Variants in NEGR1 observed in about 807,000 individuals in gnomAD.
NEGR1 encodes neuronal growth regulator 1.
NEGR1 carries 10 observed loss-of-function variants against 40.9 expected under a neutral mutation model. That is an observed-to-expected ratio of 0.24 (90% CI 0.15 to 0.42). The LOEUF is 0.42. NEGR1 is among the 10% of genes least tolerant of loss of function. The probability of loss-of-function intolerance (pLI) is 1.00; values close to 1 mark genes in which losing one functional copy is unlikely to be tolerated. For missense variants in NEGR1, 352 were observed against 438.9 expected, an observed-to-expected ratio of 0.80 and a Z score of 1.77; for synonymous variants, 185 against 166.8, an observed-to-expected ratio of 1.11 and a Z score of -0.84.
At chr1:72,268,946 T>C (rs1030659629) in intron 1 of NEGR1, among the ~76,000 whole-genome samples, 1 of 151,436 alleles carries the variant, frequency 6.6e-6, no homozygotes, top group Non-Finnish European at 1.5e-5. Flanking sequence ...TGGAAAAGCT[T>C]TGGATATGTA....
intron 3 of NEGR1, among the ~76,000 whole-genome samples, chr1:71,769,072 C>T (rs1656227125): frequency 6.7e-6 from 1 of 148,348 alleles, no homozygotes; most frequent in Non-Finnish European, 1.5e-5. Flanking sequence ...AACAATAAAA[C>T]TTTTTTTTTT....
At chr1:71,731,585 A>ATT (rs1654869408) in intron 3 of NEGR1, among the ~76,000 whole-genome samples, 1 of 152,154 alleles carries the variant, frequency 6.6e-6, no homozygotes, top group Non-Finnish European at 1.5e-5. Context: ...TAAAGACAAG[A>ATT]TTTTTCTTTT....
chr1:72,277,189 A>C (rs937927123), intron 1 of NEGR1, among the ~76,000 whole-genome samples: 9 of 152,150 alleles, frequency 5.9e-5, no homozygotes, highest in African/African-American at 1.9e-4. Flanking sequence ...GAAGACTGGG[A>C]AATGTAGCTT....
intron 1 of NEGR1, among the ~76,000 whole-genome samples, chr1:72,222,553 G>A (rs923643770): frequency 2.6e-5 from 4 of 152,126 alleles, no homozygotes; most frequent in Non-Finnish European, 5.9e-5. Flanking sequence ...TAAACTTCCT[G>A]ACCAACAATG....
At chr1:71,454,616 GAAA>G (rs1445081257) in intron 6 of NEGR1, among the ~76,000 whole-genome samples, 2 of 152,216 alleles carry the variant, frequency 1.3e-5, no homozygotes, top group East Asian at 3.9e-4. Flanking sequence ...GAGTTGGGTA[GAAA>G]ACACTCAAGT....
At chr1:71,951,725 T>C (rs2100274381) in intron 1 of NEGR1, among the ~76,000 whole-genome samples, 1 of 152,094 alleles carries the variant, frequency 6.6e-6, no homozygotes, top group African/African-American at 2.4e-5. Context: ...ATAGATATTC[T>C]GCTTTTTACA....
intron 1 of NEGR1, among the ~76,000 whole-genome samples, chr1:72,234,246 T>C (rs1654475808): frequency 6.6e-6 from 1 of 152,142 alleles, no homozygotes; most frequent in Non-Finnish European, 1.5e-5. Context: ...TTTGGTTTTC[T>C]GTTCCTGTGT....
chr1:71,986,796 A>T (rs1348040134), intron 1 of NEGR1, among the ~76,000 whole-genome samples: 2 of 152,162 alleles, frequency 1.3e-5, no homozygotes, highest in East Asian at 3.9e-4. Context: ...TCATGAGTGT[A>T]TTTGCTGCTT....
chr1:71,515,793 A>G (rs1191624840), intron 6 of NEGR1, among the ~76,000 whole-genome samples: 1 of 130,956 alleles, frequency 7.6e-6, no homozygotes. Context: ...TTGGATAAAG[A>G]GTCAAGACCC....
chr1:72,280,430 T>C (rs1309444364), intron 1 of NEGR1, among the ~76,000 whole-genome samples: 1 of 152,168 alleles, frequency 6.6e-6, no homozygotes, highest in African/African-American at 2.4e-5. Context: ...CAAAAATACA[T>C]ATTGCAGCTC....
chr1:71,880,180 A>C (rs1660543596), intron 2 of NEGR1, among the ~76,000 whole-genome samples: 1 of 152,042 alleles, frequency 6.6e-6, no homozygotes, highest in Non-Finnish European at 1.5e-5. Context: ...TCATGGTGGA[A>C]AGTTTTGAGG....
intron 4 of NEGR1, among the ~76,000 whole-genome samples, chr1:71,627,061 G>A (rs958477614): frequency 2.0e-5 from 3 of 152,150 alleles, no homozygotes; most frequent in African/African-American, 7.2e-5. Context: ...CTGTAAACTA[G>A]TTCAACCATT....
rs143865768 is a variant in NEGR1, at chr1:71,792,486, T to C, written c.410-16189A>G. Among the ~76,000 whole-genome samples the C allele has an allele frequency of 2.9e-3, 438 of 152,300 alleles. 13 individuals carry two copies. Among genetic ancestry groups the C allele is most frequent in the Admixed American group, 0.023 (347 of 15,286 alleles). ...CTTTCTTCCACACTTCCTCTTTTTTTCCCACATTTATCTCTGTATTGTTTT... is the reference window on the plus strand; with the variant it reads ...CTTTCTTCCACACTTCCTCTTTTTTCCCCACATTTATCTCTGTATTGTTTT... On this transcript the variant is annotated intron_variant, in intron 2 of 6. Coordinates refer to ENST00000357731, the MANE Select transcript of NEGR1 (RefSeq NM_173808.3).
At chr1:72,252,187 G>A (rs778183550) in intron 1 of NEGR1, among the ~76,000 whole-genome samples, 23 of 127,802 alleles carry the variant, frequency 1.8e-4, no homozygotes, top group Non-Finnish European at 3.1e-4. Context: ...TGGGATTATA[G>A]GCATGTGCCA....
At chr1:72,013,963 T>TAAAA (rs1161156816) in intron 1 of NEGR1, among the ~76,000 whole-genome samples, 6 of 88,490 alleles carry the variant, frequency 6.8e-5, no homozygotes, top group South Asian at 3.4e-4. Context: ...CTGTGAAAAA[T>TAAAA]AAAAAAAAAA....
intron 4 of NEGR1, among the ~76,000 whole-genome samples, chr1:71,642,537 C>A (rs1342586207): frequency 1.3e-5 from 2 of 151,850 alleles, no homozygotes; most frequent in African/African-American, 4.8e-5. Context: ...TTCCCATAAT[C>A]TTGCTGTAAC....
Position 72,077,939 on chromosome 1 carries a change from C to T in NEGR1, c.177-142628G>A, listed in dbSNP as rs536746824. ...ATAAAGCATCAATTGATTTGTATTT[C>T]GGTACAATTGTAGTATAGTAAATAA... is the stretch of plus-strand genomic sequence containing the variant. On this transcript the variant is annotated intron_variant, in intron 1 of 6. Coordinates refer to ENST00000357731, the MANE Select transcript of NEGR1 (RefSeq NM_173808.3). 6.6e-5 allele frequency among the ~76,000 whole-genome samples: 10 copies of T among 152,192 alleles called. No individual in the cohort carries two copies. In the East Asian group the frequency reaches 1.2e-3, roughly 18 times the overall value.
chr1:71,473,262 A>T (rs1646794090), intron 6 of NEGR1, among the ~76,000 whole-genome samples: 1 of 152,152 alleles, frequency 6.6e-6, no homozygotes. Flanking sequence ...TGAACTTGCA[A>T]AGAAGTATAA....
At chr1:71,780,414 GT>G (rs1411003863) in intron 2 of NEGR1, among the ~76,000 whole-genome samples, 4 of 152,142 alleles carry the variant, frequency 2.6e-5, no homozygotes, top group Non-Finnish European at 4.4e-5. Context: ...AAAGGCAGAA[GT>G]CCTAGATTTC....
Sources: allele counts gnomAD v4.1 joint callset (sites outside exome capture counted in the v4.1 genomes callset), GRCh38; gene constraint gnomAD v4.1.1; transcripts MANE v1.5; gene names NCBI Gene and HGNC (gene_info 2026-07-23, HGNC 2026-07-21).